Variants in SMURF2 observed in about 807,000 individuals in gnomAD.
SMURF2 encodes the protein E3 ubiquitin-protein ligase SMURF2.
SMURF2 carries 48 observed loss-of-function variants against 109.6 expected under a neutral mutation model. The ratio of observed to expected loss-of-function variants is 0.44; its 90% confidence interval spans 0.35 to 0.56. SMURF2 has a LOEUF of 0.56. Among genes scored for constraint, SMURF2 ranks in the 20% least tolerant of loss-of-function variants. SMURF2 has a pLI of 0.01. For missense variants in SMURF2, 575 were observed against 909.0 expected, an observed-to-expected ratio of 0.63 and a Z score of 4.72; for synonymous variants, 288 against 317.1, an observed-to-expected ratio of 0.91 and a Z score of 0.97.
intron 1 of SMURF2, among the ~76,000 whole-genome samples, chr17:64,636,798 A>G (rs1598308456): frequency 6.6e-6 from 1 of 151,708 alleles, no homozygotes; most frequent in Admixed American, 6.6e-5. Context: ...AAAAAAAAAA[A>G]AGAGTTCTTT....
chr17:64,548,951 T>C (rs1380602984), intron 16 of SMURF2, among the ~76,000 whole-genome samples: 1 of 152,126 alleles, frequency 6.6e-6, no homozygotes, highest in Non-Finnish European at 1.5e-5. Context: ...ACACCCAGGA[T>C]TAATATATAC....
chr17:64,561,836 A>G (rs550713235), intron 11 of SMURF2, among the ~76,000 whole-genome samples: 36 of 152,040 alleles, frequency 2.4e-4, no homozygotes, highest in African/African-American at 8.4e-4. Context: ...GTCTATACAA[A>G]AAGTTTTTTC....
chr17:64,651,736 AAC>A (rs1970643112), intron 1 of SMURF2, among the ~76,000 whole-genome samples: 1 of 152,082 alleles, frequency 6.6e-6, no homozygotes, highest in South Asian at 2.1e-4. Flanking sequence ...CAGCCTGGGT[AAC>A]ACAGTGAGGC....
chr17:64,607,177 A>C (rs1969981998), intron 1 of SMURF2, among the ~76,000 whole-genome samples: 1 of 151,840 alleles, frequency 6.6e-6, no homozygotes, highest in African/African-American at 2.4e-5. Flanking sequence ...AAATGACAAG[A>C]TATGTCTACT....
At chr17:64,546,009 G>A in intron 18 of SMURF2, 62 bp from the exon 19 acceptor site, 1 of 1,066,112 alleles carries the variant, frequency 9.4e-7, no homozygotes, top group Non-Finnish European at 1.5e-6. Context: ...GGCCTAGCAA[G>A]TGTATACCAG....
chr17:64,550,044 G>A (rs1271437444), intron 16 of SMURF2, among the ~76,000 whole-genome samples: 3 of 152,172 alleles, frequency 2.0e-5, no homozygotes, highest in Admixed American at 2.0e-4. Context: ...CCAAATCCTC[G>A]TTTATTGTAT....
At chr17:64,631,003 G>A (rs1022769841) in intron 1 of SMURF2, among the ~76,000 whole-genome samples, 1 of 151,736 alleles carries the variant, frequency 6.6e-6, no homozygotes, top group Admixed American at 6.6e-5. Context: ...CTGGGTTAGT[G>A]CATAAATGAA....
chr17:64,637,377 C>T (rs1970431177), intron 1 of SMURF2, among the ~76,000 whole-genome samples: 1 of 151,932 alleles, frequency 6.6e-6, no homozygotes, highest in African/African-American at 2.4e-5. Flanking sequence ...CCACTCGTCT[C>T]GACCTCCCAA....
chr17:64,594,646 G>A (rs1969793027), intron 3 of SMURF2, among the ~76,000 whole-genome samples: 1 of 152,122 alleles, frequency 6.6e-6, no homozygotes, highest in Non-Finnish European at 1.5e-5. Flanking sequence ...TCCAGAGCCA[G>A]AATCAAGTAT....
chr17:64,633,775 G>T (rs2144712696), intron 1 of SMURF2, among the ~76,000 whole-genome samples: 1 of 151,922 alleles, frequency 6.6e-6, no homozygotes, highest in African/African-American at 2.4e-5. Flanking sequence ...TATAAACACA[G>T]GCAACTACCA....
intron 1 of SMURF2, among the ~76,000 whole-genome samples, chr17:64,649,342 C>G (rs548941292): frequency 2.6e-5 from 4 of 152,080 alleles, no homozygotes; most frequent in African/African-American, 4.8e-5. Flanking sequence ...CTTTTGAAAG[C>G]GCCAGCATGC....
chr17:64,616,888 G>A (rs868941684), intron 1 of SMURF2, among the ~76,000 whole-genome samples: 2 of 150,922 alleles, frequency 1.3e-5, no homozygotes, highest in Middle Eastern at 3.4e-3. Context: ...GGGCAACAGG[G>A]CAAAACCCCA....
rs376771798 is a variant in SMURF2 at position 64,640,227 on chromosome 17, A to C, written c.52+21602T>G. Among the ~76,000 whole-genome samples, 24 of 152,356 alleles carry C rather than the reference A, an allele frequency of 1.6e-4. 1 individual carries two copies. Among genetic ancestry groups the C allele is most frequent in the African/African-American group, 5.5e-4 (23 of 41,592 alleles). On this transcript the variant is annotated intron_variant, in intron 1 of 18. Transcript: ENST00000262435. ...TTGTGTTCAGTTCTCAGAAGTTAAC[A>C]GGATATTATGGAGGTAGCATAATGA...
chr17:64,573,136 AGGAGGAGGAGGAGGAGGAGGAGGAGGG>A (rs1969424570), intron 9 of SMURF2: 2 of 39,640 alleles, frequency 5.0e-5, no homozygotes, highest in Admixed American at 3.1e-4. Flanking sequence ...GAGGAGGAGG[AGGAGGAGGAGGAGGAGGAGGAGGAGGG>A]GGAGGAGGAG....
chr17:64,645,014 A>C (rs73333976), intron 1 of SMURF2, among the ~76,000 whole-genome samples: 8,951 of 152,070 alleles, frequency 0.059, 472 homozygotes, highest in African/African-American at 0.14. Flanking sequence ...CTCAAAAAAA[A>C]AAAACAAAAC....
intron 1 of SMURF2, among the ~76,000 whole-genome samples, chr17:64,632,159 A>G (rs1454252885): frequency 6.6e-6 from 1 of 152,042 alleles, no homozygotes; most frequent in Non-Finnish European, 1.5e-5. Context: ...GGGTTTCACT[A>G]TGTTGACCAG....
chr17:64,601,308 T>A (rs139987212), intron 2 of SMURF2, among the ~76,000 whole-genome samples: 8 of 151,976 alleles, frequency 5.3e-5, no homozygotes, highest in Non-Finnish European at 1.0e-4. Context: ...AAAGGACTAA[T>A]ATCCAGAATC....
At chr17:64,597,833 C>T (rs1969840312) in intron 3 of SMURF2, among the ~76,000 whole-genome samples, 1 of 150,970 alleles carries the variant, frequency 6.6e-6, no homozygotes, top group Admixed American at 6.6e-5. Context: ...AAATAAAATA[C>T]ATATCTAGAA....
chr17:64,566,424 A>C (rs1281473723), intron 10 of SMURF2, among the ~76,000 whole-genome samples: 5 of 151,764 alleles, frequency 3.3e-5, no homozygotes, highest in Non-Finnish European at 7.4e-5. Flanking sequence ...TGTAACACGA[A>C]TATAAACCCC....
Sources: gnomAD v4.1 joint callset for allele counts (sites outside exome capture counted in the v4.1 genomes callset) on GRCh38, gnomAD v4.1.1 for gene constraint, MANE v1.5 for transcripts, NCBI Gene and HGNC (gene_info 2026-07-23, HGNC 2026-07-21) for gene names.